The following MYH13 variants were observed in gnomAD, a reference collection of about 807,000 sequenced individuals.
MYH13 encodes the protein myosin-13.
A neutral mutation model predicts 232.1 loss-of-function variants in MYH13; 177 were observed. That is an observed-to-expected ratio of 0.76 (90% CI 0.67 to 0.86). MYH13 has a LOEUF of 0.86. Ranked by LOEUF, MYH13 falls within the 40% of genes least tolerant of loss-of-function variation. MYH13 has a pLI of 0.00. For missense variants in MYH13, 2,246 were observed against 2,405.9 expected, an observed-to-expected ratio of 0.93 and a Z score of 1.39; for synonymous variants, 884 against 923.5, an observed-to-expected ratio of 0.96 and a Z score of 0.78.
chr17:10,349,655 C>A (rs2071694803), intron 12 of MYH13, among the ~76,000 whole-genome samples: 1 of 151,994 alleles, frequency 6.6e-6, no homozygotes, highest in African/African-American at 2.4e-5. Context: ...GGAACCTGTA[C>A]AACTCCCATG....
At position 10,312,648 on chromosome 17, in the gene MYH13, C is replaced by A. The variant is rs1192862595; in HGVS notation, c.4291G>T (p.Asp1431Tyr). Residue 1431 changes from aspartate to tyrosine, a missense_variant, in exon 31 of 41, where the codon GAT becomes TAT. Transcript: ENST00000252172. ...GAGCGCTCCAGATCCCGCATCAGAT[C>A]CTCCACCTCTCCCTGCAGCCTCTGC... ...TKQRLQGEVE[D>Y]LMRDLERSHT... The A allele has an allele frequency of 6.2e-7, 1 of 1,613,418 alleles. No homozygotes were observed.
In MYH13 at chr17:10,309,279, C is replaced by T. The variant is rs200581369; in HGVS notation, c.5124G>A (p.Gln1708=). ...QTERTRRLSE[Q]ELLDASDRVQ... ...CGCGGTCGCTGGCGTCCAGCAGCTC[C>T]TGCTCTGACAGCCTGCGGGTCCGCT... The change falls in exon 35 of 41, where the codon CAG becomes CAA. Residue 1708 remains glutamine (Q), a synonymous_variant. Coordinates refer to ENST00000252172, the MANE Select transcript of MYH13 (RefSeq NM_003802.3). The T allele has an allele frequency of 6.2e-7, 1 of 1,613,840 alleles. No individual in the cohort carries two copies. Among genetic ancestry groups the T allele is most frequent in the Non-Finnish European group, 8.5e-7 (1 of 1,179,854 alleles).
chr17:10,327,023 A>T (rs1597379403), intron 22 of MYH13, among the ~76,000 whole-genome samples: 3 of 5,720 alleles, frequency 5.2e-4, no homozygotes, highest in Admixed American at 3.3e-3. Flanking sequence ...TTTTTTTGAG[A>T]CGGAGTCTCG....
At chr17:10,340,100 C>T in intron 18 of MYH13, 50 bp downstream of exon 18, 9 of 1,516,316 alleles carry the variant, frequency 5.9e-6, no homozygotes, top group Admixed American at 1.8e-5. Flanking sequence ...GCATTTATCT[C>T]AGGGCGTCCT....
At chr17:10,349,923 G>GT (rs1341634154) in intron 12 of MYH13, among the ~76,000 whole-genome samples, 1 of 152,220 alleles carries the variant, frequency 6.6e-6, no homozygotes, top group Non-Finnish European at 1.5e-5. Flanking sequence ...CAAGGAACTT[G>GT]TAAGAAGCAT....
At chr17:10,331,734 C>A (rs867582868) in intron 20 of MYH13, among the ~76,000 whole-genome samples, 1 of 152,148 alleles carries the variant, frequency 6.6e-6, no homozygotes, top group Non-Finnish European at 1.5e-5. Context: ...CCACTGCGCC[C>A]CGCTTGGTAG....
chr17:10,301,527 C>T, intron 40 of MYH13, 42 bp downstream of exon 40: 1 of 1,611,732 alleles, frequency 6.2e-7, no homozygotes, highest in Admixed American at 1.7e-5. Flanking sequence ...TATTCAATAT[C>T]TGTTCTTAGC....
intron 18 of MYH13, among the ~76,000 whole-genome samples, chr17:10,338,885 TAG>T (rs1401549010): frequency 6.6e-6 from 1 of 152,106 alleles, no homozygotes; most frequent in Admixed American, 6.6e-5. Flanking sequence ...GCATTTTTAG[TAG>T]AGACGGGGTT....
intron 2 of MYH13, among the ~76,000 whole-genome samples, chr17:10,366,379 C>CTTTTTTTTTTTTTT (rs1555553015): frequency 3.2e-4 from 38 of 117,040 alleles, no homozygotes; most frequent in Non-Finnish European, 5.1e-4. Flanking sequence ...AGAAATAAAT[C>CTTTTTTTTTTTTTT]TGTTTTTTTT....
chr17:10,332,675 C>T lies in MYH13; in HGVS notation c.2174+399G>A, dbSNP rs531252804. Among the ~76,000 whole-genome samples, 18 of 152,238 alleles carry T rather than the reference C, an allele frequency of 1.2e-4. No individual in the cohort carries two copies. The South Asian group carries it at 2.5e-3, about 21-fold the overall frequency. On this transcript the variant is annotated intron_variant, in intron 19 of 40. Coordinates refer to ENST00000252172, the MANE Select transcript of MYH13 (RefSeq NM_003802.3). Reference sequence around the variant, plus strand: ...CGGGCCTCAGCTGGGTGTGATTTGGCAATGTCTAGAGAGTTTTGATTGTCA... The same window carrying T: ...CGGGCCTCAGCTGGGTGTGATTTGGTAATGTCTAGAGAGTTTTGATTGTCA...
chr17:10,371,584 G>A (rs1412042904), intron 1 of MYH13, among the ~76,000 whole-genome samples: 1 of 152,138 alleles, frequency 6.6e-6, no homozygotes, highest in Admixed American at 6.6e-5. Context: ...AGTTAGTAAG[G>A]GATAAGAGAA....
intron 8 of MYH13, among the ~76,000 whole-genome samples, chr17:10,357,053 C>T (rs755957673): frequency 2.0e-4 from 31 of 152,098 alleles, no homozygotes; most frequent in Admixed American, 5.2e-4. Context: ...CTCCACCTCC[C>T]GGGTTCAAGC....
At chr17:10,368,420 A>G (rs1389677866) in intron 2 of MYH13, among the ~76,000 whole-genome samples, 3 of 152,230 alleles carry the variant, frequency 2.0e-5, no homozygotes, top group Non-Finnish European at 4.4e-5. Flanking sequence ...ATGGTGCTTT[A>G]TGAATAAAAT....
rs757808531 is a variant in MYH13, at chr17:10,312,623, GA to G, written c.4315del (p.Ser1439ProfsTer50). On this transcript the variant is annotated frameshift_variant, in exon 31 of 41. Transcript: ENST00000252172. LOFTEE classifies it high-confidence loss of function. ...GTCCAGTGTGGCACAGGCGGTGTGG[GA>G]GCGCTCCAGATCCCGCATCAGATCC... ...VEDLMRDLER[S>X]HTACATLDKK... The G allele has an allele frequency of 9.3e-6, 15 of 1,613,390 alleles. No individual in the cohort carries two copies. The highest frequency in any genetic ancestry group is 1.3e-5 in the Non-Finnish European group (15 of 1,179,714).
At chr17:10,355,469 C>T (rs527937154) in intron 8 of MYH13, among the ~76,000 whole-genome samples, 11 of 152,270 alleles carry the variant, frequency 7.2e-5, no homozygotes, top group East Asian at 1.9e-4. Flanking sequence ...TAATTCTGTC[C>T]GTAAACAAAC....
At chr17:10,317,248 G>A (rs1906748772) in intron 27 of MYH13, among the ~76,000 whole-genome samples, 1 of 152,040 alleles carries the variant, frequency 6.6e-6, no homozygotes, top group South Asian at 2.1e-4. Context: ...GGTGTGGGAG[G>A]GGAACATTTA....
chr17:10,319,109 C>T lies in MYH13; in HGVS notation c.3419G>A (p.Arg1140His), dbSNP rs1471406082. 1.1e-5 allele frequency: 17 copies of T among 1,614,006 alleles called. No individual in the cohort carries two copies. Among genetic ancestry groups the T allele is most frequent in the Admixed American group, 1.7e-5 (1 of 59,988 alleles). The stretch of plus-strand genomic sequence containing the variant: ...CTCCAGTTCCCTGGCCAGATCTGAG[C>T]GCTGCTTCTCAATCTTGGCTCTGAG... ...HTLRAKIEKQ[R>H]SDLARELEEI... The change falls in exon 27 of 41, where the codon CGC becomes CAC. Residue 1140 changes from arginine (R) to histidine (H), a missense_variant. Arg to His is a conservative substitution (Grantham distance 29). Coordinates refer to ENST00000252172, the MANE Select transcript of MYH13 (RefSeq NM_003802.3).
At chr17:10,362,033 C>G in intron 5 of MYH13, 85 bp downstream of exon 5, 1 of 1,609,154 alleles carries the variant, frequency 6.2e-7, no homozygotes, top group African/African-American at 1.3e-5. Context: ...GATTATTGCA[C>G]CATTCAGATG....
intron 7 of MYH13, among the ~76,000 whole-genome samples, chr17:10,358,556 G>C (rs2071766905): frequency 6.6e-6 from 1 of 152,028 alleles, no homozygotes; most frequent in African/African-American, 2.4e-5. Flanking sequence ...CCAACGGTCT[G>C]ATACCAGCCT....
Sources: allele counts gnomAD v4.1 joint callset (sites outside exome capture counted in the v4.1 genomes callset), GRCh38; gene constraint gnomAD v4.1.1; transcripts MANE v1.5; gene names NCBI Gene and HGNC (gene_info 2026-07-23, HGNC 2026-07-21).